The following STAG1 variants were observed in gnomAD, a reference collection of about 807,000 sequenced individuals.
STAG1 encodes the protein STAG1 cohesin complex component, also known as cohesin subunit SA-1.
STAG1 carries 26 observed loss-of-function variants against 170.9 expected under a neutral mutation model. The observed-to-expected ratio is 0.15, with a 90% confidence interval of 0.11 to 0.21. The LOEUF is 0.21. STAG1 is among the 10% of genes least tolerant of loss of function. STAG1 has a pLI of 1.00. For missense variants in STAG1, 964 were observed against 1,509.5 expected (o/e 0.64, Z 5.99); for synonymous variants, 514 against 497.7 (o/e 1.03, Z -0.44).
chr3:136,580,292 A>G (rs558828379), intron 4 of STAG1, among the ~76,000 whole-genome samples: 20 of 151,260 alleles, frequency 1.3e-4, no homozygotes, highest in Non-Finnish European at 2.1e-4. Context: ...AGTCATGTAC[A>G]TGTATTACTT....
rs373487626 is a variant in STAG1 at position 136,611,443 on chromosome 3, C to A, written c.133-6970G>T. On this transcript the variant is annotated intron_variant, in intron 3 of 33. Transcript: ENST00000383202. The stretch of plus-strand genomic sequence containing the variant: ...GGATTACAGGTGTAAGCCATCGTGC[C>A]TGGCCATAATATTTTTAATAATTTT... Among the ~76,000 whole-genome samples, 24 of 152,046 alleles carry A rather than the reference C, an allele frequency of 1.6e-4. No homozygotes were observed. The East Asian group carries it at 3.9e-3, about 25-fold the overall frequency.
rs373129174 is a variant in STAG1 at position 136,748,330 on chromosome 3, G to A, written c.-84+3865C>T. On this transcript the variant is annotated intron_variant, in intron 1 of 33. Transcript: ENST00000383202. ...GCACGCGAATCGCCTGAACCCAGGC[G>A]GTGGAGGTTGCAGTGAGCCTAGATC... Among the ~76,000 whole-genome samples the A allele has an allele frequency of 8.5e-5, 13 of 152,092 alleles. No individual in the cohort carries two copies. The East Asian group carries it at 1.6e-3, about 18-fold the overall frequency.
rs1011683262 is a variant in STAG1 at position 136,407,675 on chromosome 3, T to C, written c.2197-8846A>G. ...CAGAGTTTCATCATGTTGGACAAGC[T>C]GGTCTCGAACTCCTGACCTCAGGTG... On this transcript the variant is annotated intron_variant, in intron 21 of 33. Coordinates refer to ENST00000383202, the MANE Select transcript of STAG1 (RefSeq NM_005862.3). 4.7e-4 allele frequency among the ~76,000 whole-genome samples: 71 copies of C among 152,204 alleles called. 1 individual carries two copies. Among genetic ancestry groups the C allele is most frequent in the African/African-American group, 1.7e-3 (69 of 41,534 alleles).
chr3:136,343,643 C>T (rs929084660), intron 30 of STAG1, among the ~76,000 whole-genome samples, 189 bp downstream of exon 30: 1 of 152,190 alleles, frequency 6.6e-6, no homozygotes. Flanking sequence ...TGTAAACTTC[C>T]AGGAACTGGT....
chr3:136,657,265 T>A (rs1941418312), intron 1 of STAG1, among the ~76,000 whole-genome samples: 1 of 145,418 alleles, frequency 6.9e-6, no homozygotes, highest in South Asian at 2.3e-4. Context: ...AATGGCACGA[T>A]CTTGGCTCAC....
At chr3:136,551,250 AGAGAGAGAGAGG>A (rs1186705563) in intron 5 of STAG1, among the ~76,000 whole-genome samples, 48 of 141,242 alleles carry the variant, frequency 3.4e-4, no homozygotes, top group African/African-American at 7.0e-4. Flanking sequence ...AGAGAGAGAG[AGAGAGAGAGAGG>A]GAGAGCGAGA....
chr3:136,383,409 GA>G (rs1409020811), intron 22 of STAG1, among the ~76,000 whole-genome samples: 3 of 151,948 alleles, frequency 2.0e-5, no homozygotes, highest in South Asian at 4.1e-4. Context: ...TTTTTAATTT[GA>G]AAAAAGTTAC....
chr3:136,414,871 C>A (rs1285311159), intron 21 of STAG1, among the ~76,000 whole-genome samples: 1 of 152,042 alleles, frequency 6.6e-6, no homozygotes, highest in Non-Finnish European at 1.5e-5. Context: ...ATTAAGTGGC[C>A]TAATTTCAAT....
intron 21 of STAG1, among the ~76,000 whole-genome samples, chr3:136,400,364 A>G (rs1367283653): frequency 1.3e-5 from 2 of 151,818 alleles, no homozygotes; most frequent in Non-Finnish European, 2.9e-5. Context: ...AGTAGCTGGA[A>G]CTACAGGCAC....
intron 9 of STAG1, among the ~76,000 whole-genome samples, chr3:136,498,233 T>TATATATATATATATATATATACACAC: frequency 4.3e-4 from 25 of 57,480 alleles, no homozygotes; most frequent in East Asian, 2.2e-3. Context: ...TATATATATA[T>TATATATATATATATATATATACACAC]ACACATACAT....
chr3:136,517,233 A>G (rs373358983), intron 7 of STAG1, among the ~76,000 whole-genome samples: 23 of 152,164 alleles, frequency 1.5e-4, no homozygotes, highest in African/African-American at 5.3e-4. Flanking sequence ...ATTTTTTCCC[A>G]AATTCATTTT....
intron 4 of STAG1, among the ~76,000 whole-genome samples, chr3:136,593,317 G>T (rs1209341829): frequency 6.6e-6 from 1 of 152,122 alleles, no homozygotes; most frequent in East Asian, 1.9e-4. Flanking sequence ...TATTAGGTGA[G>T]ATATGTCTGG....
At chr3:136,357,903 T>C (rs910019630) in intron 27 of STAG1, 55 bp from the exon 28 acceptor site, 16 of 1,404,748 alleles carry the variant, frequency 1.1e-5, no homozygotes, top group Non-Finnish European at 1.6e-5. Flanking sequence ...TTCTCTCAAT[T>C]AGCTAACATT....
intron 1 of STAG1, among the ~76,000 whole-genome samples, chr3:136,751,086 T>A (rs1935201914): frequency 6.6e-6 from 1 of 152,188 alleles, no homozygotes. Context: ...AAGATGCAAG[T>A]CTTTCTAGTC....
At chr3:136,541,752 G>A (rs992120418) in intron 6 of STAG1, among the ~76,000 whole-genome samples, 1 of 152,106 alleles carries the variant, frequency 6.6e-6, no homozygotes. Flanking sequence ...AGAATTCACT[G>A]ACCTCCAAAC....
intron 21 of STAG1, among the ~76,000 whole-genome samples, chr3:136,407,945 A>G (rs1403578811): frequency 6.6e-6 from 1 of 152,126 alleles, no homozygotes; most frequent in East Asian, 1.9e-4. Context: ...ATCCAACAGT[A>G]TAACTGGTGT....
At chr3:136,496,884 G>A (rs1933135242) in intron 9 of STAG1, among the ~76,000 whole-genome samples, 1 of 151,546 alleles carries the variant, frequency 6.6e-6, no homozygotes, top group Non-Finnish European at 1.5e-5. Flanking sequence ...AAAGAGAAAA[G>A]CGGGAAGGAA....
rs181159984 is a variant in STAG1 at position 136,459,581 on chromosome 3, T to G, written c.1313+5300A>C. Among the ~76,000 whole-genome samples, 96 of 152,298 alleles carry G rather than the reference T, an allele frequency of 6.3e-4. 1 individual carries two copies. The highest frequency in any genetic ancestry group is 8.8e-5 in the Non-Finnish European group (6 of 68,022). ...AGTTGCAGAATACTCATTTTTCTAGTAGCAAATGAAATATTCTCCAGGACA... is the reference window on the plus strand; with the variant it reads ...AGTTGCAGAATACTCATTTTTCTAGGAGCAAATGAAATATTCTCCAGGACA... On this transcript the variant is annotated intron_variant, in intron 13 of 33. Coordinates refer to ENST00000383202, the MANE Select transcript of STAG1 (RefSeq NM_005862.3).
At chr3:136,495,213 T>C in intron 9 of STAG1, among the ~76,000 whole-genome samples, 1 of 152,200 alleles carries the variant, frequency 6.6e-6, no homozygotes, top group African/African-American at 2.4e-5. Flanking sequence ...TGTCATTAAA[T>C]GGTGCTGGGA....
Sources: gnomAD v4.1 joint callset for allele counts (sites outside exome capture counted in the v4.1 genomes callset) on GRCh38, gnomAD v4.1.1 for gene constraint, MANE v1.5 for transcripts, NCBI Gene and HGNC (gene_info 2026-07-23, HGNC 2026-07-21) for gene names.